TMEM200C: variants seen among roughly 807,000 people sequenced by gnomAD.
TMEM200C encodes the protein transmembrane protein 200C.
For synonymous variants in TMEM200C, 462 were observed against 324.7 expected, an observed-to-expected ratio of 1.42 and a Z score of -4.55; for missense variants, 966 against 699.9, an observed-to-expected ratio of 1.38 and a Z score of -4.29.
At chr18:5,887,791 C>G (rs1432167346) in exon 3 of TMEM200C, 2 of 152,196 alleles carry the variant, frequency 1.3e-5, no homozygotes, top group Non-Finnish European at 2.9e-5. Flanking sequence ...TTGTGAATTA[C>G]TACACTTATA....
chr18:5,887,876 T>G (rs1345835018), exon 3 of TMEM200C: 1 of 152,200 alleles, frequency 6.6e-6, no homozygotes, highest in African/African-American at 2.4e-5. Context: ...TTGTCTATCT[T>G]CAGAAAAAAA....
At position 5,891,195 on chromosome 18, in the gene TMEM200C, G is replaced by C. The variant is rs2095170513; in HGVS notation, c.869C>G (p.Ala290Gly). The C allele has an allele frequency of 3.1e-6, 3 of 972,578 alleles. No homozygotes were observed. The highest frequency in any genetic ancestry group is 4.0e-6 in the Non-Finnish European group (3 of 744,456). The allele number at this position is 972,578 out of a possible 1,614,324, so 60.2% of individuals were successfully genotyped here. A position where few individuals can be genotyped will look rare whatever the true frequency, so the allele number is the denominator to read the frequency against. Residue 290 changes from alanine to glycine, a missense_variant, in exon 3 of 3, where the codon GCG becomes GGG. By Grantham distance (60) the Ala-to-Gly change is moderately conservative. Coordinates refer to ENST00000581347, the Ensembl canonical transcript of TMEM200C. The surrounding 1 kb of genome is among the most constrained non-coding windows in gnomAD (Gnocchi z 4.7). ...GCCCCGAGGGCGGCCGCCGCTCGGC[G>C]CCGCGGGGTGAGGAGGCCACGAGCC...
chr18:5,891,205 G>C lies in TMEM200C; in HGVS notation c.859C>G (p.His287Asp). 1 of 1,056,644 alleles carries C rather than the reference G, an allele frequency of 9.5e-7. No homozygotes were observed. Among genetic ancestry groups the C allele is most frequent in the Non-Finnish European group, 1.2e-6 (1 of 816,680 alleles). 65.5% of individuals were successfully genotyped at this position (1,056,644 alleles called of 1,614,324 possible). ...CGGCCGCCGCTCGGCGCCGCGGGGT[G>C]AGGAGGCCACGAGCCCTTGGCCAGC... Residue 287 changes from histidine (H) to aspartate (D), a missense_variant, in exon 3 of 3, where the codon CAC becomes GAC. Coordinates refer to ENST00000581347, the Ensembl canonical transcript of TMEM200C. The surrounding 1 kb of genome is among the most constrained non-coding windows in gnomAD (Gnocchi z 4.7).
chr18:5,886,608 T>C (rs1441856308), exon 3 of TMEM200C: 2 of 152,236 alleles, frequency 1.3e-5, no homozygotes, highest in East Asian at 3.8e-4. Flanking sequence ...ATTGCTTTTC[T>C]GTATTTTGCC....
intron 2 of TMEM200C, among the ~76,000 whole-genome samples, chr18:5,893,556 A>C (rs1467436418): frequency 6.6e-6 from 1 of 152,220 alleles, no homozygotes; most frequent in Non-Finnish European, 1.5e-5. Flanking sequence ...TATGAACTGA[A>C]AGACTTAGAT....
At chr18:5,890,834 G>A in exon 3 of TMEM200C, 1 of 676,866 alleles carries the variant, frequency 1.5e-6, no homozygotes, top group Non-Finnish European at 2.7e-6. Context: ...GGATCTCCTG[G>A]GAGCCGCGTT....
At chr18:5,888,984 G>A (rs1482866104) in exon 3 of TMEM200C, 1 of 152,204 alleles carries the variant, frequency 6.6e-6, no homozygotes, top group African/African-American at 2.4e-5. Flanking sequence ...AAGACATCTT[G>A]TCTCCTGGTC....
chr18:5,883,618 T>C (rs934969214), exon 3 of TMEM200C: 2 of 152,186 alleles, frequency 1.3e-5, no homozygotes, highest in African/African-American at 2.4e-5. Context: ...AGATAAATTA[T>C]TTATGTTTCC....
At chr18:5,890,302 G>A (rs563595443) in exon 3 of TMEM200C, 25 of 1,601,434 alleles carry the variant, frequency 1.6e-5, no homozygotes, top group Non-Finnish European at 1.9e-5. Context: ...ACCGGCTGAG[G>A]TTGCTCGGCC....
At chr18:5,882,388 T>C (rs1014660277) in exon 3 of TMEM200C, 1 of 152,084 alleles carries the variant, frequency 6.6e-6, no homozygotes, top group South Asian at 2.1e-4. Flanking sequence ...CAGGCAGGTA[T>C]AGCATTATTA....
chr18:5,895,841 T>C (rs1001500734), intron 1 of TMEM200C: 2 of 151,266 alleles, frequency 1.3e-5, no homozygotes, highest in African/African-American at 4.9e-5. Context: ...TTTGTTCTTC[T>C]TTCCTCCAAC....
chr18:5,891,624 G>A lies in TMEM200C; in HGVS notation c.440C>T (p.Thr147Met), dbSNP rs565280012. The change falls in exon 3 of 3, where the codon ACG becomes ATG. Residue 147 changes from threonine (T) to methionine (M), a missense_variant. Thr to Met is a moderately conservative substitution (Grantham distance 81). Transcript: ENST00000581347. This position sits in a 1 kb window ranked among gnomAD's most constrained non-coding sequence, Gnocchi z 4.7. ...GATGCGGAAGAAGAAGCCCACGGAC[G>A]TGGAGGAGGAGGACGGGGAGGCGGC... The A allele has an allele frequency of 8.1e-6, 13 of 1,613,738 alleles. No homozygotes were observed. The highest frequency in any genetic ancestry group is 1.0e-5 in the Non-Finnish European group (12 of 1,179,848).
At chr18:5,893,704 C>T (rs961640621) in intron 2 of TMEM200C, among the ~76,000 whole-genome samples, 2 of 152,140 alleles carry the variant, frequency 1.3e-5, no homozygotes, top group African/African-American at 4.8e-5. Flanking sequence ...CCCTTGAGTT[C>T]CTCCATTATA....
chr18:5,895,150 C>G (rs956218445), exon 2 of TMEM200C: 1 of 152,106 alleles, frequency 6.6e-6, no homozygotes, highest in Non-Finnish European at 1.5e-5. Flanking sequence ...CCCGGGGCCC[C>G]GCATCCGAGC....
At chr18:5,883,957 A>G (rs1399825734) in exon 3 of TMEM200C, 1 of 152,190 alleles carries the variant, frequency 6.6e-6, no homozygotes, top group Non-Finnish European at 1.5e-5. Flanking sequence ...CTTAGGTCCA[A>G]TAAGAATTTA....
chr18:5,889,079 G>A (rs2095167565), exon 3 of TMEM200C: 1 of 152,188 alleles, frequency 6.6e-6, no homozygotes, highest in Non-Finnish European at 1.5e-5. Flanking sequence ...TGTCTATGTA[G>A]GCCATGGATC....
At chr18:5,895,622 C>A (rs2095175510) in intron 1 of TMEM200C, 100 bp from the exon 1 acceptor site, 1 of 146,540 alleles carries the variant, frequency 6.8e-6, no homozygotes, top group Non-Finnish European at 1.5e-5. Context: ...CGCCGCCGGC[C>A]TTCCCCGCTC....
chr18:5,890,069 T>G (rs2095168458), exon 3 of TMEM200C: 2 of 846,784 alleles, frequency 2.4e-6, no homozygotes, highest in Non-Finnish European at 3.3e-6. Flanking sequence ...GATAACATTC[T>G]GCAGCTCTTT....
rs1386665627 is a variant in TMEM200C, at chr18:5,895,013, C to G, written c.-95+17G>C. On this transcript the variant is annotated intron_variant, in intron 2 of 2. Transcript: ENST00000581347. ...TCAAAATGGCAGCACTCTCCGCACG[C>G]AAGATCGCTCACTTACCCAGGGAGA... 1 of 152,298 alleles carries G rather than the reference C, an allele frequency of 6.6e-6. No homozygotes were observed. Among genetic ancestry groups the G allele is most frequent in the Non-Finnish European group, 1.5e-5 (1 of 68,090 alleles). The allele number at this position is 152,298 out of a possible 1,614,324, so 9.4% of individuals were successfully genotyped here.
Sources: gnomAD v4.1 joint callset for allele counts (sites outside exome capture counted in the v4.1 genomes callset) on GRCh38, gnomAD v4.1.1 for gene constraint, Gnocchi (gnomAD v3.1) non-coding constraint, MANE v1.5 for transcripts, NCBI Gene and HGNC (gene_info 2026-07-23, HGNC 2026-07-21) for gene names.